The following WDR17 variants were observed in gnomAD, a reference collection of about 807,000 sequenced individuals.
WDR17 encodes WD repeat-containing protein 17.
Under a neutral mutation model 161.7 loss-of-function variants are expected in WDR17, and 143 were observed. That is an observed-to-expected ratio of 0.88 (90% CI 0.77 to 1.02). WDR17 has a LOEUF of 1.02. WDR17 is among the 50% of genes least tolerant of loss of function. WDR17 has a pLI of 0.00. For synonymous variants in WDR17, 517 were observed against 515.6 expected (o/e 1.00, Z -0.04); for missense variants, 1,469 against 1,520.9 (o/e 0.97, Z 0.57).
chr4:176,179,348 T>G, intron 28 of WDR17, 112 bp from the exon 29 acceptor site: 1 of 1,194,778 alleles, frequency 8.4e-7, no homozygotes. Flanking sequence ...TTTTATTAGC[T>G]TTGCCTAAAT....
rs1297806755 is a variant in WDR17, at chr4:176,099,545, ACTTAAATTACACTAGAGCATTCTGTTC to A, written c.-6-12029_-6-12003del. ...CAGCAGGGGGAGGGGAAAAGAAACC[ACTTAAATTACACTAGAGCATTCTGTTC>A]TTTATTTTTAACCAACTTTTAAAAT... On this transcript the variant is annotated intron_variant, in intron 1 of 28. Transcript: ENST00000508596. Among the ~76,000 whole-genome samples, 10 of 152,258 alleles carry A rather than the reference ACTTAAATTACACTAGAGCATTCTGTTC, an allele frequency of 6.6e-5. No individual in the cohort carries two copies. The East Asian group carries it at 1.9e-3, about 29-fold the overall frequency.
At chr4:176,166,181 A>G (rs1749750852) in intron 22 of WDR17, 1 of 702,564 alleles carries the variant, frequency 1.4e-6, no homozygotes, top group Non-Finnish European at 2.3e-6. Context: ...CATTCCTTTA[A>G]AATGTATATA....
intron 18 of WDR17, among the ~76,000 whole-genome samples, chr4:176,158,559 G>A (rs1335050718): frequency 6.6e-6 from 1 of 152,178 alleles, no homozygotes; most frequent in Non-Finnish European, 1.5e-5. Flanking sequence ...GAAGTTCCTT[G>A]TGATTTTAGT....
intron 4 of WDR17, among the ~76,000 whole-genome samples, chr4:176,122,160 G>C (rs1741695395): frequency 6.6e-6 from 1 of 152,180 alleles, no homozygotes; most frequent in Admixed American, 6.5e-5. Flanking sequence ...CTGGCTTCCT[G>C]TTCCTTGGCT....
At chr4:176,162,321 T>A in intron 21 of WDR17, 147 bp downstream of exon 21, 1 of 610,076 alleles carries the variant, frequency 1.6e-6, no homozygotes, top group Non-Finnish European at 2.8e-6. Context: ...ACATTCCTAA[T>A]TAGCACACAT....
intron 2 of WDR17, among the ~76,000 whole-genome samples, 163 bp downstream of exon 2, chr4:176,111,866 T>C (rs187264020): frequency 2.6e-5 from 4 of 152,310 alleles, no homozygotes; most frequent in Non-Finnish European, 4.4e-5. Context: ...TTTTAAAAGT[T>C]AAACCTTTAG....
intron 5 of WDR17, among the ~76,000 whole-genome samples, chr4:176,128,535 A>C (rs75455624): frequency 0.012 from 1,774 of 152,282 alleles, 18 homozygotes; most frequent in Non-Finnish European, 0.019. Flanking sequence ...TTGGAGCAAA[A>C]AAATAGTAAA....
intron 13 of WDR17, among the ~76,000 whole-genome samples, chr4:176,149,106 T>A (rs975070121): frequency 2.6e-5 from 4 of 152,150 alleles, no homozygotes; most frequent in African/African-American, 9.7e-5. Flanking sequence ...AACTAGAACG[T>A]CATCTGCCCA....
At chr4:176,141,023 A>G (rs1745172140) in intron 10 of WDR17, among the ~76,000 whole-genome samples, 1 of 152,168 alleles carries the variant, frequency 6.6e-6, no homozygotes, top group South Asian at 2.1e-4. Context: ...TGGTGGGCCT[A>G]ATAACATTTA....
intron 5 of WDR17, 144 bp from the exon 6 acceptor site, chr4:176,128,593 TA>T (rs1736230978): frequency 1.3e-6 from 1 of 750,180 alleles, no homozygotes; most frequent in South Asian, 2.0e-5. Context: ...TGTTAGGTTG[TA>T]TTACTGTATG....
intron 1 of WDR17, among the ~76,000 whole-genome samples, chr4:176,105,780 G>A (rs537617373): frequency 3.1e-4 from 47 of 151,966 alleles, no homozygotes; most frequent in African/African-American, 1.1e-3. Flanking sequence ...TCTCAAATTA[G>A]CAACCTATTT....
At chr4:176,136,701 G>A (rs1223197361) in intron 8 of WDR17, among the ~76,000 whole-genome samples, 3 of 151,216 alleles carry the variant, frequency 2.0e-5, no homozygotes, top group African/African-American at 7.3e-5. Flanking sequence ...GTATCTTAGT[G>A]TAGATACCAG....
At chr4:176,093,584 TA>T in intron 1 of WDR17, among the ~76,000 whole-genome samples, 1 of 152,320 alleles carries the variant, frequency 6.6e-6, no homozygotes, top group South Asian at 2.1e-4. Flanking sequence ...TAAAATAAGT[TA>T]AATGTGTGAT....
chr4:176,090,808 A>G (rs1010768501), intron 1 of WDR17, among the ~76,000 whole-genome samples: 3 of 152,330 alleles, frequency 2.0e-5, no homozygotes, highest in Middle Eastern at 3.4e-3. Context: ...CAAGCCCATG[A>G]TAAGCATTGT....
intron 24 of WDR17, among the ~76,000 whole-genome samples, chr4:176,172,990 G>A (rs1579265058): frequency 6.6e-6 from 1 of 152,128 alleles, no homozygotes; most frequent in Admixed American, 6.5e-5. Flanking sequence ...GCTCTAGAGA[G>A]AACGAACATC....
At chr4:176,153,794 C>CAAA (rs149514244) in intron 17 of WDR17, among the ~76,000 whole-genome samples, 256 of 152,144 alleles carry the variant, frequency 1.7e-3, no homozygotes, top group African/African-American at 5.7e-3. Context: ...TCAAGAAAAA[C>CAAA]AATGAATTAC....
In WDR17 at chr4:176,071,330, C is replaced by CT. The variant is rs10654973; in HGVS notation, c.-7+5261dup. Reference sequence around the variant, plus strand: ...TTCTCCCTTTTCTTTTTTCTTTTCTCTTTTTTTTTTGAGACAGAGTCTCAC... The same window carrying CT: ...TTCTCCCTTTTCTTTTTTCTTTTCTCTTTTTTTTTTTGAGACAGAGTCTCAC... On this transcript the variant is annotated intron_variant, in intron 1 of 28. Coordinates refer to ENST00000508596, the MANE Select transcript of WDR17 (RefSeq NM_181265.4). 1.5e-4 allele frequency among the ~76,000 whole-genome samples: 22 copies of CT among 143,564 alleles called. 1 individual carries two copies. The highest frequency in any genetic ancestry group is 2.3e-4 in the African/African-American group (9 of 39,306). The allele number at this position is 143,564 out of a possible 152,430, so 94.2% of individuals were successfully genotyped here. A position where few individuals can be genotyped will look rare whatever the true frequency, so the allele number is the denominator to read the frequency against.
At chr4:176,118,264 T>A (rs987386224) in intron 3 of WDR17, among the ~76,000 whole-genome samples, 4 of 152,212 alleles carry the variant, frequency 2.6e-5, no homozygotes, top group African/African-American at 7.2e-5. Context: ...TTTCTGGTCC[T>A]TTCGCTTTCC....
chr4:176,166,000 T>C (rs1273270071), intron 22 of WDR17: 1 of 475,184 alleles, frequency 2.1e-6, no homozygotes, highest in Admixed American at 4.7e-5. Context: ...AGCTACATCA[T>C]TTATAAAGAT....
Sources: allele counts gnomAD v4.1 joint callset (sites outside exome capture counted in the v4.1 genomes callset), GRCh38; gene constraint gnomAD v4.1.1; transcripts MANE v1.5; gene names NCBI Gene and HGNC (gene_info 2026-07-23, HGNC 2026-07-21).